PCDH15: variants seen among roughly 807,000 people sequenced by gnomAD.
PCDH15 encodes protocadherin related 15.
A neutral mutation model predicts 178.5 loss-of-function variants in PCDH15; 129 were observed. That is an observed-to-expected ratio of 0.72 (90% CI 0.63 to 0.84). The LOEUF is 0.84. PCDH15 is among the 40% of genes least tolerant of loss of function. The probability of loss-of-function intolerance (pLI) is 0.00; values close to 1 mark genes in which losing one functional copy is unlikely to be tolerated. For missense variants in PCDH15, 2,230 were observed against 2,099.9 expected, an observed-to-expected ratio of 1.06 and a Z score of -1.21; for synonymous variants, 800 against 732.0, an observed-to-expected ratio of 1.09 and a Z score of -1.50.
chr10:54,823,642 G>A (rs1390449597), intron 3 of PCDH15, among the ~76,000 whole-genome samples: 3 of 152,056 alleles, frequency 2.0e-5, no homozygotes, highest in African/African-American at 7.2e-5. Context: ...TGGCTATACT[G>A]TATTGCTGTC....
intron 37 of PCDH15, 81 bp from the exon 38 acceptor site, chr10:53,807,211 A>G: frequency 8.7e-7 from 1 of 1,155,284 alleles, no homozygotes; most frequent in Non-Finnish European, 1.2e-6. Context: ...GAAATCCAAA[A>G]CAATGACATT....
intron 2 of PCDH15, among the ~76,000 whole-genome samples, chr10:55,390,262 A>C (rs1161054018): frequency 6.6e-6 from 1 of 152,220 alleles, no homozygotes; most frequent in Non-Finnish European, 1.5e-5. Flanking sequence ...AAAAGTGTGA[A>C]TGATCATCTG....
chr10:53,947,041 G>A (rs1287500635), intron 23 of PCDH15, among the ~76,000 whole-genome samples: 2 of 152,234 alleles, frequency 1.3e-5, no homozygotes, highest in African/African-American at 4.8e-5. Context: ...CTCTCAAAGT[G>A]CAGGATTACA....
chr10:54,050,083 T>A lies in PCDH15; in HGVS notation c.2220+16674A>T, dbSNP rs139474343. 8.5e-5 allele frequency among the ~76,000 whole-genome samples: 13 copies of A among 152,290 alleles called. No homozygotes were observed. The East Asian group carries it at 2.5e-3, about 29-fold the overall frequency. Reference sequence around the variant, plus strand: ...CAGAATGCTGGCCTCACAGAGTGCGTTAGGGTGGAGTCCCTCCTACTCGAA... The same window carrying A: ...CAGAATGCTGGCCTCACAGAGTGCGATAGGGTGGAGTCCCTCCTACTCGAA... On this transcript the variant is annotated intron_variant, in intron 18 of 37. Transcript: ENST00000644397.
intron 2 of PCDH15, among the ~76,000 whole-genome samples, chr10:55,411,094 G>T (rs1838319932): frequency 6.6e-6 from 1 of 152,074 alleles, no homozygotes; most frequent in Non-Finnish European, 1.5e-5. Flanking sequence ...AAGAAAAACA[G>T]GATTTCATGT....
intron 21 of PCDH15, among the ~76,000 whole-genome samples, chr10:53,976,889 A>G (rs1426084878): frequency 6.6e-6 from 1 of 151,586 alleles, no homozygotes; most frequent in African/African-American, 2.4e-5. Context: ...GACACCAACC[A>G]TCGGGCCTCC....
At chr10:55,313,816 G>C (rs2132291604) in intron 1 of PCDH15, among the ~76,000 whole-genome samples, 1 of 152,140 alleles carries the variant, frequency 6.6e-6, no homozygotes, top group Non-Finnish European at 1.5e-5. Context: ...CAATTATGTT[G>C]AAAAACATGT....
chr10:54,563,333 G>T (rs182555827), intron 2 of PCDH15, among the ~76,000 whole-genome samples: 2 of 152,186 alleles, frequency 1.3e-5, no homozygotes, highest in Admixed American at 1.3e-4. Flanking sequence ...CTTTTTTAGC[G>T]CTTTTCCTCT....
chr10:55,539,627 C>T (rs915025748), intron 2 of PCDH15, among the ~76,000 whole-genome samples: 2 of 152,068 alleles, frequency 1.3e-5, no homozygotes, highest in Admixed American at 1.3e-4. Flanking sequence ...ATTGAACACA[C>T]TTTTATTTTC....
At chr10:55,354,818 T>C (rs1845035292) in intron 2 of PCDH15, among the ~76,000 whole-genome samples, 1 of 152,042 alleles carries the variant, frequency 6.6e-6, no homozygotes, top group Admixed American at 6.6e-5. Flanking sequence ...CAAGTATTGA[T>C]TTGTGAATTG....
chr10:55,618,142 G>A (rs1205503418), intron 2 of PCDH15, among the ~76,000 whole-genome samples: 1 of 151,932 alleles, frequency 6.6e-6, no homozygotes, highest in Non-Finnish European at 1.5e-5. Flanking sequence ...TTGCATTGCT[G>A]TTTATTAAAT....
At chr10:54,877,307 C>A (rs1285810758) in intron 3 of PCDH15, among the ~76,000 whole-genome samples, 1 of 152,118 alleles carries the variant, frequency 6.6e-6, no homozygotes, top group African/African-American at 2.4e-5. Flanking sequence ...TGGAACCCTA[C>A]ACACAATATC....
intron 1 of PCDH15, among the ~76,000 whole-genome samples, chr10:54,766,072 A>C (rs72796528): frequency 0.11 from 16,318 of 152,212 alleles, 1,166 homozygotes; most frequent in Middle Eastern, 0.18. Context: ...TATACATTGT[A>C]TATCTTCTAG....
intron 2 of PCDH15, among the ~76,000 whole-genome samples, chr10:54,571,151 G>A (rs1371772070): frequency 1.3e-5 from 2 of 152,032 alleles, no homozygotes; most frequent in Non-Finnish European, 2.9e-5. Flanking sequence ...CTGATGTAGA[G>A]TGGAGGGCCT....
chr10:54,687,817 T>C (rs553225020), intron 1 of PCDH15, among the ~76,000 whole-genome samples: 2 of 152,204 alleles, frequency 1.3e-5, no homozygotes, highest in East Asian at 3.9e-4. Flanking sequence ...ACCACTTTGC[T>C]GGGGTCCCTA....
chr10:54,867,600 T>C (rs899229723), intron 3 of PCDH15, among the ~76,000 whole-genome samples: 2 of 152,146 alleles, frequency 1.3e-5, no homozygotes, highest in Non-Finnish European at 2.9e-5. Context: ...CAAGAAGATA[T>C]GGGTTCTTGC....
chr10:55,493,772 G>C (rs1481211820), intron 2 of PCDH15, among the ~76,000 whole-genome samples: 1 of 151,810 alleles, frequency 6.6e-6, no homozygotes, highest in Non-Finnish European at 1.5e-5. Context: ...AAATTCTTCA[G>C]ACTGAAATTA....
intron 3 of PCDH15, among the ~76,000 whole-genome samples, chr10:54,842,082 G>A (rs1953428736): frequency 6.6e-6 from 1 of 151,634 alleles, no homozygotes; most frequent in African/African-American, 2.4e-5. Context: ...ACTTGAAATT[G>A]GACTTATTCT....
At chr10:54,155,791 TA>T (rs527427577) in intron 13 of PCDH15, among the ~76,000 whole-genome samples, 1,457 of 119,544 alleles carry the variant, frequency 0.012, 10 homozygotes, top group African/African-American at 0.026. Context: ...GTGAGACTCT[TA>T]AAAAAAAAAA....
Sources: allele counts gnomAD v4.1 joint callset (sites outside exome capture counted in the v4.1 genomes callset), GRCh38; gene constraint gnomAD v4.1.1; transcripts MANE v1.5; gene names NCBI Gene and HGNC (gene_info 2026-07-23, HGNC 2026-07-21).